Variants in LARP4B observed in about 807,000 individuals in gnomAD.
LARP4B encodes la-related protein 4B.
A neutral mutation model predicts 89.8 loss-of-function variants in LARP4B; 12 were observed. The observed-to-expected ratio is 0.13, with a 90% CI of 0.09 to 0.22. The LOEUF (loss-of-function observed/expected upper bound fraction) is 0.22, where lower values mean the gene tolerates loss of function less well. LARP4B is among the 10% of genes least tolerant of loss of function. The pLI is 1.00. For synonymous variants in LARP4B, 367 were observed against 363.3 expected (o/e 1.01, Z -0.12); for missense variants, 757 against 947.7 (o/e 0.80, Z 2.64).
At chr10:906,525 G>T (rs1456084443) in intron 1 of LARP4B, among the ~76,000 whole-genome samples, 4 of 152,226 alleles carry the variant, frequency 2.6e-5, no homozygotes, top group Non-Finnish European at 5.9e-5. Context: ...TCCACAGACA[G>T]CGTTGATCCT....
the LARP4B span, among the ~76,000 whole-genome samples, chr10:970,922 A>T: frequency 6.6e-6 from 1 of 152,180 alleles, no homozygotes; most frequent in Admixed American, 6.5e-5. Context: ...CAGGGCTCCA[A>T]GCGGTGGCCT....
chr10:860,884 T>C (rs1258147272), intron 5 of LARP4B, among the ~76,000 whole-genome samples: 5 of 152,062 alleles, frequency 3.3e-5, no homozygotes, highest in Non-Finnish European at 1.5e-5. Flanking sequence ...GGGCCGGGCA[T>C]GAAGGCTTAC....
intron 11 of LARP4B, 136 bp downstream of exon 11, chr10:829,249 C>T (rs1832773591): frequency 4.1e-6 from 3 of 732,952 alleles, no homozygotes; most frequent in South Asian, 4.3e-5. Context: ...TTTAAAATCC[C>T]CCACATAACT....
At chr10:826,213 G>C (rs1588864662) in intron 11 of LARP4B, among the ~76,000 whole-genome samples, 1 of 152,204 alleles carries the variant, frequency 6.6e-6, no homozygotes, top group Admixed American at 6.5e-5. Flanking sequence ...TCACTGGCAG[G>C]AAGTCAACAG....
At chr10:883,925 T>C (rs1377215720) in intron 3 of LARP4B, among the ~76,000 whole-genome samples, 3 of 152,350 alleles carry the variant, frequency 2.0e-5, no homozygotes, top group South Asian at 2.1e-4. Flanking sequence ...ATAAGATCCT[T>C]TGATCAAACT....
chr10:904,585 A>G (rs1025756379), intron 1 of LARP4B, among the ~76,000 whole-genome samples: 5 of 151,892 alleles, frequency 3.3e-5, no homozygotes, highest in African/African-American at 9.7e-5. Flanking sequence ...TAAAAATAAA[A>G]TAAAAATAAA....
At chr10:852,560 C>G (rs1233962365) in intron 5 of LARP4B, among the ~76,000 whole-genome samples, 1 of 152,182 alleles carries the variant, frequency 6.6e-6, no homozygotes, top group African/African-American at 2.4e-5. Flanking sequence ...CTTGTAAGAC[C>G]AGAGACAACC....
intron 1 of LARP4B, among the ~76,000 whole-genome samples, chr10:905,232 T>C (rs1374670266): frequency 6.6e-6 from 1 of 152,216 alleles, no homozygotes; most frequent in Non-Finnish European, 1.5e-5. Flanking sequence ...CCCTAAAGTC[T>C]TATTATCTGA....
chr10:912,782 C>A (rs1300937795), intron 1 of LARP4B, among the ~76,000 whole-genome samples: 4 of 151,470 alleles, frequency 2.6e-5, no homozygotes, highest in African/African-American at 9.7e-5. Flanking sequence ...CCCAGCTACT[C>A]GGGAGGCATC....
At chr10:890,371 T>C (rs1459902772) in intron 1 of LARP4B, among the ~76,000 whole-genome samples, 1 of 152,234 alleles carries the variant, frequency 6.6e-6, no homozygotes, top group Non-Finnish European at 1.5e-5. Flanking sequence ...GAAAAAATGC[T>C]TGAAATAAAT....
Position 842,993 on chromosome 10 carries a change from A to G in LARP4B, c.585T>C (p.Ala195=). 2 of 1,614,190 alleles carry G rather than the reference A, an allele frequency of 1.2e-6. No individual in the cohort carries two copies. The highest frequency in any genetic ancestry group is 2.2e-5 in the South Asian group (2 of 91,076). ...TGAGCTTCTTGATGTGGTCGAGGTT[A>G]GCCACCGTTGTGATTGGCACATACT... The part of the protein sequence containing the change: ...SDQYVPITTV[A]NLDHIKKLST... Residue 195 remains alanine, a synonymous_variant, in exon 7 of 18, where the codon GCT becomes GCC. Coordinates refer to ENST00000316157, the MANE Select transcript of LARP4B (RefSeq NM_015155.3).
intron 5 of LARP4B, among the ~76,000 whole-genome samples, chr10:853,025 A>G (rs542521293): frequency 1.3e-5 from 2 of 152,366 alleles, no homozygotes; most frequent in Admixed American, 6.5e-5. Context: ...ATGTTCTCCA[A>G]CTGATCTATA....
chr10:941,348 CTT>C, the LARP4B span, among the ~76,000 whole-genome samples: 3 of 152,230 alleles, frequency 2.0e-5, no homozygotes. Flanking sequence ...GAGTTTCACT[CTT>C]GTCGCCCAGG....
Position 814,618 on chromosome 10 carries a change from G to A in LARP4B, c.1929+124C>T, listed in dbSNP as rs1202195683. 2.3e-5 allele frequency: 36 copies of A among 1,546,212 alleles called. No homozygotes were observed. The highest frequency in any genetic ancestry group is 3.0e-5 in the Non-Finnish European group (34 of 1,143,560). The stretch of plus-strand genomic sequence containing the variant: ...TTGTACAGAAAACACAACACAGACA[G>A]ACGCAAATAAAAACCCACCAAATTA... On this transcript the variant is annotated intron_variant, in intron 17 of 17. Transcript: ENST00000316157. The surrounding 1 kb of genome is among the most constrained non-coding windows in gnomAD (Gnocchi z 4.4).
rs959243624 is a variant in LARP4B, at chr10:825,821, G to A, written c.1175C>T (p.Ala392Val). The A allele has an allele frequency of 3.1e-6, 5 of 1,613,600 alleles. No homozygotes were observed. Among genetic ancestry groups the A allele is most frequent in the East Asian group, 4.5e-5 (2 of 44,898 alleles). The change falls in exon 12 of 18, where the codon GCG becomes GTG. Residue 392 changes from alanine to valine, a missense_variant. Ala to Val is a moderately conservative substitution (Grantham distance 64, BLOSUM62 0). Coordinates refer to ENST00000316157, the MANE Select transcript of LARP4B (RefSeq NM_015155.3). ...CAGAGGAGACGCCGCAGGCTTGAAC[G>A]CTGGAGACGTAAACCCATTTATAAA... ...TGFINGFTSP[A>V]FKPAASPLTS...
At chr10:856,320 A>T (rs549913569) in intron 5 of LARP4B, among the ~76,000 whole-genome samples, 1 of 152,362 alleles carries the variant, frequency 6.6e-6, no homozygotes, top group African/African-American at 2.4e-5. Flanking sequence ...GCACAACACC[A>T]AATAAGATAT....
rs1831745495 is a variant in LARP4B, at chr10:811,582, C to G, written c.*1344G>C. The G allele has an allele frequency of 6.6e-6, 1 of 152,458 alleles. No homozygotes were observed. Among genetic ancestry groups the G allele is most frequent in the South Asian group, 2.1e-4 (1 of 4,816 alleles). 9.4% of individuals were successfully genotyped at this position (152,458 alleles called of 1,614,324 possible). ...AACCCAGGGCCGGGCTCCATGGACT[C>G]TAAGCTGTCTTATACAAAAGTTAAG... On this transcript the variant is annotated 3_prime_UTR_variant, in exon 18 of 18. Coordinates refer to ENST00000316157, the MANE Select transcript of LARP4B (RefSeq NM_015155.3).
At chr10:825,697 T>C (rs2131638137) in intron 12 of LARP4B, 67 bp downstream of exon 12, 1 of 1,047,290 alleles carries the variant, frequency 9.5e-7, no homozygotes. Flanking sequence ...ATCAAAGCTC[T>C]CTCATCCCAA....
intron 5 of LARP4B, among the ~76,000 whole-genome samples, chr10:849,669 G>A (rs1366125969): frequency 2.6e-5 from 4 of 152,314 alleles, no homozygotes; most frequent in Admixed American, 6.5e-5. Context: ...GAAATGGGGA[G>A]GGAAAGGGTA....
Sources: gnomAD v4.1 joint callset for allele counts (sites outside exome capture counted in the v4.1 genomes callset) on GRCh38, gnomAD v4.1.1 for gene constraint, Gnocchi (gnomAD v3.1) non-coding constraint, MANE v1.5 for transcripts, NCBI Gene and HGNC (gene_info 2026-07-23, HGNC 2026-07-21) for gene names.